Variants in GFM1 observed in about 807,000 individuals in gnomAD.
GFM1 encodes elongation factor G, mitochondrial.
A neutral mutation model predicts 96.2 loss-of-function variants in GFM1; 62 were observed. The ratio of observed to expected loss-of-function variants is 0.64; its 90% confidence interval spans 0.53 to 0.80. The LOEUF is 0.80. GFM1 is among the 30% of genes least tolerant of loss of function. The pLI, the probability that GFM1 is intolerant of heterozygous loss-of-function variation, is 0.00. For missense variants in GFM1, 852 were observed against 916.6 expected (o/e 0.93, Z 0.91); for synonymous variants, 282 against 312.9 (o/e 0.90, Z 1.04).
At position 158,666,476 on chromosome 3, in the gene GFM1, T is replaced by G. The variant is rs144658099; in HGVS notation, c.1601+90T>G. On this transcript the variant is annotated intron_variant, in intron 13 of 17. Coordinates refer to ENST00000486715, the MANE Select transcript of GFM1 (RefSeq NM_024996.7). ...TACCACTATTACTGTTTTAAAGACA[T>G]TTTTATGTAGTGATACTTTGTATTA... 1,469 of 1,217,056 alleles carry G rather than the reference T, an allele frequency of 1.2e-3. 20 individuals carry two copies. The African/African-American group carries it at 0.019, about 16-fold the overall frequency. The allele number at this position is 1,217,056 out of a possible 1,614,324, so 75.4% of individuals were successfully genotyped here.
In GFM1 at chr3:158,691,867, C is replaced by G. The variant is rs1726350215; in HGVS notation, c.*400C>G. 1 of 186,508 alleles carries G rather than the reference C, an allele frequency of 5.4e-6. No individual in the cohort carries two copies. Among genetic ancestry groups the G allele is most frequent in the African/African-American group, 2.4e-5 (1 of 41,660 alleles). 11.6% of individuals were successfully genotyped at this position (186,508 alleles called of 1,614,324 possible). ...GCTGAAAAAATGCAAAGAATAACCA[C>G]ATACTTTCCATCTACCTTCCTTTGT... On this transcript the variant is annotated 3_prime_UTR_variant, in exon 18 of 18. Coordinates refer to ENST00000486715, the MANE Select transcript of GFM1 (RefSeq NM_024996.7).
chr3:158,654,535 T>C lies in GFM1; in HGVS notation c.999-12T>C. 6.9e-7 allele frequency: 1 copy of C among 1,453,770 alleles called. No individual in the cohort carries two copies. Among genetic ancestry groups the C allele is most frequent in the East Asian group, 2.3e-5 (1 of 43,996 alleles). The allele number at this position is 1,453,770 out of a possible 1,614,324, so 90.1% of individuals were successfully genotyped here. ...ATTACATCTCATAGATTTATATTTC[T>C]TTTATTTTAAGTGACTCAAAAGAGA... On this transcript the variant is annotated splice_polypyrimidine_tract_variant and intron_variant, in intron 7 of 17. Transcript: ENST00000486715.
At chr3:158,672,190 A>T (rs1365442650) in intron 13 of GFM1, among the ~76,000 whole-genome samples, 1 of 152,120 alleles carries the variant, frequency 6.6e-6, no homozygotes, top group East Asian at 1.9e-4. Context: ...TTCCCCCAGA[A>T]ACCTTAATAT....
In GFM1 at chr3:158,659,034, C is replaced by T; in HGVS notation, c.1196C>T (p.Ala399Val). 6.2e-7 allele frequency: 1 copy of T among 1,614,174 alleles called. No individual in the cohort carries two copies. Among genetic ancestry groups the T allele is most frequent in the Non-Finnish European group, 8.5e-7 (1 of 1,180,028 alleles). The change falls in exon 9 of 18, where the codon GCT becomes GTT. Residue 399 changes from alanine (A) to valine (V), a missense_variant. Coordinates refer to ENST00000486715, the MANE Select transcript of GFM1 (RefSeq NM_024996.7). Reference sequence around the variant, plus strand: ...AAGAAAGTACGGTTGCAACGGCTGGCTCGCATGCATGCCGACATGATGGAG... The same window carrying T: ...AAGAAAGTACGGTTGCAACGGCTGGTTCGCATGCATGCCGACATGATGGAG... ...TRKKVRLQRL[A>V]RMHADMMEDV...
intron 2 of GFM1, 51 bp from the exon 3 acceptor site, chr3:158,646,114 T>C (rs775118583): frequency 2.5e-6 from 4 of 1,611,794 alleles, no homozygotes; most frequent in East Asian, 4.5e-5. Context: ...ATTTCTTTCC[T>C]TCTTGGAATG....
intron 9 of GFM1, 124 bp from the exon 10 acceptor site, chr3:158,660,750 C>G: frequency 2.5e-6 from 2 of 792,572 alleles, no homozygotes; most frequent in Middle Eastern, 3.5e-4. Context: ...CTATAGAATT[C>G]AAGCAGAGAG....
chr3:158,651,984 A>G (rs767329246), intron 5 of GFM1, 112 bp from the exon 6 acceptor site: 4 of 842,790 alleles, frequency 4.7e-6, no homozygotes, highest in Admixed American at 2.0e-5. Flanking sequence ...CAAATGTATC[A>G]GAGCTCTTTG....
chr3:158,660,795 C>T, intron 9 of GFM1, 79 bp from the exon 10 acceptor site: 1 of 1,142,984 alleles, frequency 8.7e-7, no homozygotes, highest in South Asian at 1.2e-5. Context: ...AATGTGTGTA[C>T]TGTACAGTTT....
intron 5 of GFM1, among the ~76,000 whole-genome samples, chr3:158,651,171 A>G (rs1170612696): frequency 6.6e-6 from 1 of 152,094 alleles, no homozygotes; most frequent in Non-Finnish European, 1.5e-5. Context: ...CTGATGTCAC[A>G]GATTGAAGAG....
At chr3:158,675,299 A>C (rs1000269276) in intron 13 of GFM1, among the ~76,000 whole-genome samples, 3 of 143,392 alleles carry the variant, frequency 2.1e-5, no homozygotes, top group South Asian at 2.1e-4. Context: ...AAAAAAAAAA[A>C]AAAAAAAAAA....
intron 11 of GFM1, among the ~76,000 whole-genome samples, chr3:158,664,724 A>G (rs1018385895): frequency 2.0e-5 from 3 of 152,286 alleles, no homozygotes; most frequent in African/African-American, 7.2e-5. Flanking sequence ...CCTTAGTTAC[A>G]TTTGCAAAGT....
At chr3:158,652,027 A>G (rs1722335455) in intron 5 of GFM1, 69 bp from the exon 6 acceptor site, 1 of 1,335,772 alleles carries the variant, frequency 7.5e-7, no homozygotes, top group Admixed American at 1.7e-5. Flanking sequence ...CATTAATCAT[A>G]TATTTTTCAT....
Position 158,659,007 on chromosome 3 carries a change from GA to G in GFM1, c.1172del (p.Lys391ArgfsTer15), listed in dbSNP as rs1263604546. ...KGDTIYNTRT[R>X]KKVRLQRLAR... The stretch of plus-strand genomic sequence containing the variant: ...GACACCATCTATAACACAAGGACAA[GA>G]AAGAAAGTACGGTTGCAACGGCTGG... On this transcript the variant is annotated frameshift_variant, in exon 9 of 18. Transcript: ENST00000486715. LOFTEE classifies it high-confidence loss of function. 1.9e-6 allele frequency: 3 copies of G among 1,614,096 alleles called. No individual in the cohort carries two copies. The African/African-American group carries it at 4.0e-5, about 22-fold the overall frequency.
chr3:158,671,449 TG>T (rs1417912184), intron 13 of GFM1, among the ~76,000 whole-genome samples: 2 of 152,228 alleles, frequency 1.3e-5, no homozygotes, highest in African/African-American at 4.8e-5. Flanking sequence ...GGCAGATTAC[TG>T]CAAAGCAATT....
chr3:158,649,786 C>T, intron 5 of GFM1: 2 of 519,506 alleles, frequency 3.8e-6, no homozygotes, highest in Non-Finnish European at 6.9e-6. Context: ...CCCCTGGAGA[C>T]TTTGTTAAAA....
At chr3:158,666,732 A>G (rs1723728993) in intron 13 of GFM1, 1 of 1,613,566 alleles carries the variant, frequency 6.2e-7, no homozygotes, top group Non-Finnish European at 8.5e-7. Context: ...TGCATTTGCC[A>G]GGGAATAATC....
intron 4 of GFM1, among the ~76,000 whole-genome samples, chr3:158,648,833 T>G (rs1722059114): frequency 6.6e-6 from 1 of 152,186 alleles, no homozygotes; most frequent in Non-Finnish European, 1.5e-5. Flanking sequence ...TTCTTTTTGT[T>G]GCCTAAATGG....
At chr3:158,690,747 A>G (rs1443419513) in intron 16 of GFM1, among the ~76,000 whole-genome samples, 1 of 152,274 alleles carries the variant, frequency 6.6e-6, no homozygotes, top group East Asian at 1.9e-4. Context: ...ATTACATTTC[A>G]TAAGGCCTCC....
chr3:158,646,449 A>G (rs999522136), intron 3 of GFM1, 152 bp downstream of exon 3: 7 of 864,838 alleles, frequency 8.1e-6, no homozygotes, highest in South Asian at 3.3e-5. Flanking sequence ...GACCTAGAGC[A>G]CTTCATCCTT....
Sources: gnomAD v4.1 joint callset for allele counts (sites outside exome capture counted in the v4.1 genomes callset) on GRCh38, gnomAD v4.1.1 for gene constraint, MANE v1.5 for transcripts, NCBI Gene and HGNC (gene_info 2026-07-23, HGNC 2026-07-21) for gene names.